SDC1: variants seen among roughly 807,000 people sequenced by gnomAD.
The protein encoded by SDC1 is syndecan-1.
A neutral mutation model predicts 29.7 loss-of-function variants in SDC1; 14 were observed. The ratio of observed to expected loss-of-function variants is 0.47; its 90% CI spans 0.31 to 0.74. The LOEUF (loss-of-function observed/expected upper bound fraction) is 0.74. SDC1 is among the 30% of genes least tolerant of loss of function. SDC1 has a pLI of 0.05. For synonymous variants in SDC1, 204 were observed against 175.5 expected (o/e 1.16, Z -1.29); for missense variants, 406 against 400.3 (o/e 1.01, Z -0.12).
Position 20,202,486 on chromosome 2 carries a change from T to C in SDC1, c.*280A>G. 1 of 592,882 alleles carries C rather than the reference T, an allele frequency of 1.7e-6. No individual in the cohort carries two copies. The highest frequency in any genetic ancestry group is 3.0e-6 in the Non-Finnish European group (1 of 333,738). The allele number at this position is 592,882 out of a possible 1,614,324, so 36.7% of individuals were successfully genotyped here. ...GACCTGGGGAGAGGCTGCTTCAGTTTGGAGAAACCGAGTCAGAATGGTGCG... is the reference window on the plus strand; with the variant it reads ...GACCTGGGGAGAGGCTGCTTCAGTTCGGAGAAACCGAGTCAGAATGGTGCG... On this transcript the variant is annotated 3_prime_UTR_variant, in exon 5 of 5. Coordinates refer to ENST00000254351, the MANE Select transcript of SDC1 (RefSeq NM_002997.5).
intron 1 of SDC1, chr2:20,223,474 G>C (rs1677886450): frequency 2.8e-6 from 1 of 357,812 alleles, no homozygotes; most frequent in Admixed American, 3.7e-5. Context: ...GAACTGTCCA[G>C]ATGTAGTGGC....
chr2:20,205,402 G>A lies in SDC1; in HGVS notation c.89C>T (p.Pro30Leu), dbSNP rs1677229845. 1.9e-6 allele frequency: 3 copies of A among 1,613,878 alleles called. No individual in the cohort carries two copies. Among genetic ancestry groups the A allele is most frequent in the East Asian group, 2.2e-5 (1 of 44,888 alleles). The part of the protein sequence containing the change: ...ALPQIVATNL[P>L]PEDQDGSGDD... ...CCCAGAGCCATCTTGATCTTCAGGGGGCAAATTAGTAGCCACAATTTGCTG... is the reference window on the plus strand; with the variant it reads ...CCCAGAGCCATCTTGATCTTCAGGGAGCAAATTAGTAGCCACAATTTGCTG... Residue 30 changes from proline to leucine, a missense_variant, in exon 2 of 5, where the codon CCC becomes CTC. Physicochemically the swap from Pro to Leu is moderately conservative, Grantham distance 98. Transcript: ENST00000254351.
intron 3 of SDC1, 70 bp from the exon 4 acceptor site, chr2:20,203,292 G>T: frequency 1.3e-6 from 2 of 1,523,434 alleles, no homozygotes; most frequent in South Asian, 1.3e-5. Context: ...TCCACTACAA[G>T]ACCCAGAAGC....
chr2:20,205,467 G>C (rs1677233476), intron 1 of SDC1, 43 bp from the exon 2 acceptor site: 1 of 1,525,268 alleles, frequency 6.6e-7, no homozygotes, highest in Non-Finnish European at 9.1e-7. Context: ...GGCTTGGCCG[G>C]GTCTCTGCTG....
At position 20,223,093 on chromosome 2, in the gene SDC1, A is replaced by G. The variant is rs1028667585; in HGVS notation, c.66+1709T>C. On this transcript the variant is annotated intron_variant, in intron 1 of 4. Transcript: ENST00000254351. Reference sequence around the variant, plus strand: ...GGAGTGCATGAGACCCAGCTCGGAAATCATGGCCCTCCCCGTGCTCCCAGA... The same window carrying G: ...GGAGTGCATGAGACCCAGCTCGGAAGTCATGGCCCTCCCCGTGCTCCCAGA... 1.0e-4 allele frequency: 42 copies of G among 412,998 alleles called. 3 individuals are homozygous for G. The highest frequency in any genetic ancestry group is 8.5e-4 in the South Asian group (42 of 49,514). 25.6% of individuals were successfully genotyped at this position (412,998 alleles called of 1,614,324 possible). A position where few individuals can be genotyped will look rare whatever the true frequency, so the allele number is the denominator to read the frequency against.
Position 20,224,827 on chromosome 2 carries a change from G to A in SDC1, c.41C>T (p.Ala14Val). Residue 14 changes from alanine to valine, a missense_variant, in exon 1 of 5, where the codon GCG (alanine) becomes GTG (valine). Physicochemically the swap from Ala to Val is moderately conservative, Grantham distance 64 (BLOSUM62 0). Transcript: ENST00000254351. This position sits in a 1 kb window ranked among gnomAD's most constrained non-coding sequence, Gnocchi z 4.9. ...CGGCAGGGCCGGCTGCAGGCTCAGC[G>A]CCAGCGCGCACAGCCAGAGCCAGAG... Reference protein sequence around the residue: ...AALWLWLCALALSLQPALPQI... With the variant: ...AALWLWLCALVLSLQPALPQI... 1 of 1,290,626 alleles carries A rather than the reference G, an allele frequency of 7.7e-7. No homozygotes were observed. The highest frequency in any genetic ancestry group is 9.8e-7 in the Non-Finnish European group (1 of 1,021,478). 79.9% of individuals were successfully genotyped at this position (1,290,626 alleles called of 1,614,324 possible).
intron 1 of SDC1, among the ~76,000 whole-genome samples, chr2:20,214,782 T>C (rs536891292): frequency 1.3e-5 from 2 of 152,220 alleles, no homozygotes; most frequent in Admixed American, 1.3e-4. Context: ...GGACTGGAGA[T>C]TACTTGAAGA....
chr2:20,217,944 G>A (rs999994001), intron 1 of SDC1, among the ~76,000 whole-genome samples: 18 of 152,258 alleles, frequency 1.2e-4, no homozygotes, highest in Admixed American at 9.2e-4. Flanking sequence ...CAAGGAGCTC[G>A]AATCCACCCC....
At position 20,201,629 on chromosome 2, in the gene SDC1, A is replaced by G. The variant is rs1027830769; in HGVS notation, c.*1137T>C. On this transcript the variant is annotated 3_prime_UTR_variant, in exon 5 of 5. Transcript: ENST00000254351. ...TATTCCTGATTCCAGCCCAGGGCCC[A>G]GGGTGGGGCCACAGGAGCTAACGGA... is the stretch of plus-strand genomic sequence containing the variant. 1.3e-5 allele frequency: 2 copies of G among 152,728 alleles called. No homozygotes were observed. Among genetic ancestry groups the G allele is most frequent in the African/African-American group, 2.4e-5 (1 of 41,460 alleles). 9.5% of individuals were successfully genotyped at this position (152,728 alleles called of 1,614,324 possible).
Position 20,224,931 on chromosome 2 carries a change from C to A in SDC1, c.-64G>T. On this transcript the variant is annotated 5_prime_UTR_variant, in exon 1 of 5. Coordinates refer to ENST00000254351, the MANE Select transcript of SDC1 (RefSeq NM_002997.5). The surrounding 1 kb of genome is among the most constrained non-coding windows in gnomAD (Gnocchi z 4.9). ...GGGTCGCGGCTGCGGGCCGGCTTCGCGGGTTCCGCTGCTCGATGCTCTCTT... is the reference window on the plus strand; with the variant it reads ...GGGTCGCGGCTGCGGGCCGGCTTCGAGGGTTCCGCTGCTCGATGCTCTCTT... 1 of 1,201,210 alleles carries A rather than the reference C, an allele frequency of 8.3e-7. No homozygotes were observed. The highest frequency in any genetic ancestry group is 4.1e-5 in the South Asian group (1 of 24,220). 74.4% of individuals were successfully genotyped at this position (1,201,210 alleles called of 1,614,324 possible).
At chr2:20,217,135 C>T (rs1256632710) in intron 1 of SDC1, among the ~76,000 whole-genome samples, 1 of 152,214 alleles carries the variant, frequency 6.6e-6, no homozygotes, top group Non-Finnish European at 1.5e-5. Context: ...GCCTTACAGC[C>T]CAGGCTCCTA....
intron 3 of SDC1, 42 bp from the exon 4 acceptor site, chr2:20,203,264 C>T: frequency 6.4e-7 from 1 of 1,565,978 alleles, no homozygotes; most frequent in East Asian, 2.3e-5. Flanking sequence ...CAGGTCACCG[C>T]CAGCAGCAGC....
intron 1 of SDC1, among the ~76,000 whole-genome samples, chr2:20,216,244 G>A (rs1025295426): frequency 1.3e-5 from 2 of 152,194 alleles, no homozygotes; most frequent in African/African-American, 2.4e-5. Context: ...AGGAAGGTGG[G>A]GGGCAGGGCC....
rs985665619 is a variant in SDC1 at position 20,204,066 on chromosome 2, G to A, written c.374C>T (p.Pro125Leu). ...GGTCGGGAGCTGTGTGGTCTCCCTG[G>A]GTCGGGGGGTGGCCTCCTGCTCCCG... ...TAREQEATPR[P>L]RETTQLPTTH... Residue 125 changes from proline (P) to leucine (L), a missense_variant, in exon 3 of 5, where the codon CCC becomes CTC. Transcript: ENST00000254351. The A allele has an allele frequency of 8.7e-6, 14 of 1,611,216 alleles. No homozygotes were observed. The highest frequency in any genetic ancestry group is 3.3e-5 in the Admixed American group (2 of 59,964).
intron 4 of SDC1, 38 bp downstream of exon 4, chr2:20,203,049 C>T (rs772223523): frequency 1.3e-6 from 2 of 1,576,652 alleles, no homozygotes; most frequent in African/African-American, 2.7e-5. Flanking sequence ...CCCACAGCAG[C>T]AATTCACCCC....
rs563131470 is a variant in SDC1 at position 20,208,911 on chromosome 2, T to C, written c.67-3487A>G. Among the ~76,000 whole-genome samples the C allele has an allele frequency of 2.6e-5, 4 of 152,326 alleles. No individual in the cohort carries two copies. The South Asian group carries it at 8.3e-4, about 32-fold the overall frequency. On this transcript the variant is annotated intron_variant, in intron 1 of 4. Transcript: ENST00000254351. ...AAGATCTAGGCTTCCACTCATTCTG[T>C]TGTTCAAAGCAAGGGATGCCTTGCC... is the stretch of plus-strand genomic sequence containing the variant.
In SDC1 at chr2:20,225,033, G is replaced by C; in HGVS notation, c.-166C>G. 4.8e-6 allele frequency: 4 copies of C among 839,818 alleles called. No individual in the cohort carries two copies. Among genetic ancestry groups the C allele is most frequent in the Non-Finnish European group, 6.2e-6 (4 of 648,302 alleles). The allele number at this position is 839,818 out of a possible 1,614,324, so 52.0% of individuals were successfully genotyped here. A position where few individuals can be genotyped will look rare whatever the true frequency, so the allele number is the denominator to read the frequency against. On this transcript the variant is annotated 5_prime_UTR_variant, in exon 1 of 5. In the 5' UTR this introduces an upstream ATG that the reference lacks. Transcript: ENST00000254351. ...GGCTGGAGTCCGCTCTCTACTGCCG[G>C]ATTCCTCTCCGCTCGGCTCGGATTC...
In SDC1 at chr2:20,205,325, C is replaced by A; in HGVS notation, c.148+18G>T. ...CTGTTGCCGTCTTGGGTGGGGGGGG[C>A]CCCCATGACAACCTCACCTGCACCT... On this transcript the variant is annotated intron_variant, in intron 2 of 4. Coordinates refer to ENST00000254351, the MANE Select transcript of SDC1 (RefSeq NM_002997.5). 6.3e-7 allele frequency: 1 copy of A among 1,596,062 alleles called. No homozygotes were observed. The highest frequency in any genetic ancestry group is 8.6e-7 in the Non-Finnish European group (1 of 1,165,348).
Position 20,202,249 on chromosome 2 carries a change from T to G in SDC1, c.*517A>C, listed in dbSNP as rs757514498. 3 of 778,466 alleles carry G rather than the reference T, an allele frequency of 3.9e-6. No individual in the cohort carries two copies. Among genetic ancestry groups the G allele is most frequent in the South Asian group, 2.7e-5 (2 of 74,324 alleles). The allele number at this position is 778,466 out of a possible 1,614,324, so 48.2% of individuals were successfully genotyped here. A position where few individuals can be genotyped will look rare whatever the true frequency, so the allele number is the denominator to read the frequency against. On this transcript the variant is annotated 3_prime_UTR_variant, in exon 5 of 5. Coordinates refer to ENST00000254351, the MANE Select transcript of SDC1 (RefSeq NM_002997.5). ...TATGAACAAAGAACTAGAGGAAACA[T>G]GTGCAAAAACAAGTCGATATCTAGA...
Sources: allele counts gnomAD v4.1 joint callset (sites outside exome capture counted in the v4.1 genomes callset), GRCh38; gene constraint gnomAD v4.1.1; non-coding constraint Gnocchi (gnomAD v3.1); transcripts MANE v1.5; gene names NCBI Gene and HGNC (gene_info 2026-07-23, HGNC 2026-07-21).